ZC3H7B: variants seen among roughly 807,000 people sequenced by gnomAD.
The protein encoded by ZC3H7B is zinc finger CCCH domain-containing protein 7B.
ZC3H7B carries 35 observed loss-of-function variants against 116.0 expected under a neutral mutation model. The ratio of observed to expected loss-of-function variants is 0.30; its 90% confidence interval spans 0.23 to 0.40. ZC3H7B has a LOEUF of 0.40. Among genes scored for constraint, ZC3H7B ranks in the 10% least tolerant of loss-of-function variants. ZC3H7B has a pLI of 1.00. For missense variants in ZC3H7B, 1,011 were observed against 1,321.5 expected (o/e 0.77, Z 3.64); for synonymous variants, 502 against 545.6 (o/e 0.92, Z 1.11).
At chr22:41,343,693 G>C in intron 13 of ZC3H7B, 117 bp downstream of exon 13, 1 of 1,367,634 alleles carries the variant, frequency 7.3e-7, no homozygotes, top group East Asian at 2.7e-5. Flanking sequence ...ACAGCTGCAC[G>C]GGAGGAGAAA....
At chr22:41,319,477 C>T (rs1284202493) in intron 1 of ZC3H7B, among the ~76,000 whole-genome samples, 1 of 142,164 alleles carries the variant, frequency 7.0e-6, no homozygotes, top group Non-Finnish European at 1.5e-5. Flanking sequence ...GGCTGAAGCA[C>T]AAGAATCACT....
chr22:41,350,288 G>C (rs543162231), intron 16 of ZC3H7B, among the ~76,000 whole-genome samples: 1 of 152,326 alleles, frequency 6.6e-6, no homozygotes, highest in East Asian at 1.9e-4. Context: ...GGAGGGGACT[G>C]AGCATGTAAG....
chr22:41,355,567 G>A lies in ZC3H7B; in HGVS notation c.2133G>A (p.Lys711=), dbSNP rs553900237. The A allele has an allele frequency of 5.6e-6, 9 of 1,614,178 alleles. No homozygotes were observed. The African/African-American group carries it at 1.1e-4, about 19-fold the overall frequency. Residue 711 remains lysine (K), a synonymous_variant, in exon 18 of 23, where the codon AAG becomes AAA. Coordinates refer to ENST00000352645, the MANE Select transcript of ZC3H7B (RefSeq NM_017590.6). Reference sequence around the variant, plus strand: ...ACGGGCAGGTGGTGGAGCCTGACAAGGACCTCAAGTACTGTAGTGCCAAGG... The same window carrying A: ...ACGGGCAGGTGGTGGAGCCTGACAAAGACCTCAAGTACTGTAGTGCCAAGG... ...WRNGQVVEPD[K]DLKYCSAKAR... is the part of the protein sequence containing the mutation.
chr22:41,309,692 C>T (rs916755079), intron 1 of ZC3H7B, among the ~76,000 whole-genome samples: 1 of 152,118 alleles, frequency 6.6e-6, no homozygotes, highest in Non-Finnish European at 1.5e-5. Context: ...TTTTACTTGT[C>T]GTGTGCATTT....
chr22:41,305,360 A>G (rs957473785), intron 1 of ZC3H7B, among the ~76,000 whole-genome samples: 1 of 147,770 alleles, frequency 6.8e-6, no homozygotes, highest in African/African-American at 2.6e-5. Context: ...AAAAAAAAAA[A>G]TTAGCTGGGC....
In ZC3H7B at chr22:41,330,049, G is replaced by A. The variant is rs4822021; in HGVS notation, c.471G>A (p.Gln157=). Residue 157 remains glutamine, a synonymous_variant, in exon 6 of 23, where the codon CAG becomes CAA. Coordinates refer to ENST00000352645, the MANE Select transcript of ZC3H7B (RefSeq NM_017590.6). ...ATGAAAGCGTGACTCAGCTTGGTCAGGAGCTGGCCCAGAAACTGGGGCTGC... is the reference window on the plus strand; with the variant it reads ...ATGAAAGCGTGACTCAGCTTGGTCAAGAGCTGGCCCAGAAACTGGGGCTGC... ...PHDESVTQLG[Q]ELAQKLGLRV... The A allele has an allele frequency of 0.26, 422,287 of 1,613,570 alleles. 61,269 individuals are homozygous for A. The highest frequency in any genetic ancestry group is 0.59 in the Admixed American group (35,158 of 59,996).
chr22:41,349,074 G>C lies in ZC3H7B; in HGVS notation c.1767-46G>C. On this transcript the variant is annotated intron_variant, in intron 15 of 22. Coordinates refer to ENST00000352645, the MANE Select transcript of ZC3H7B (RefSeq NM_017590.6). The surrounding 1 kb of genome is among the most constrained non-coding windows in gnomAD (Gnocchi z 4.9). Reference sequence around the variant, plus strand: ...GGCCCTACCAGGAGAGAAGGTCAGAGGGGCTGCGGACTGCATCGTGCCCCT... The same window carrying C: ...GGCCCTACCAGGAGAGAAGGTCAGACGGGCTGCGGACTGCATCGTGCCCCT... 1 of 1,598,328 alleles carries C rather than the reference G, an allele frequency of 6.3e-7. No individual in the cohort carries two copies. The highest frequency in any genetic ancestry group is 8.5e-7 in the Non-Finnish European group (1 of 1,171,414).
In ZC3H7B at chr22:41,343,445, A is replaced by T; in HGVS notation, c.1328A>T (p.Glu443Val). ...CGGGCTGGCGACTACACCTACCGTG[A>T]GGGCCTTGAGCACAAGTGCAAGCGG... ...GPRAGDYTYR[E>V]GLEHKCKRDI... Residue 443 changes from glutamate (E) to valine (V), a missense_variant, in exon 13 of 23, where the codon GAG (glutamate) becomes GTG (valine). By Grantham distance (121) the Glu-to-Val change is moderately radical. Transcript: ENST00000352645. 1.2e-6 allele frequency: 2 copies of T among 1,613,502 alleles called. No homozygotes were observed. Among genetic ancestry groups the T allele is most frequent in the Non-Finnish European group, 1.7e-6 (2 of 1,179,614 alleles).
In ZC3H7B at chr22:41,339,102, A is replaced by G. The variant is rs200162226; in HGVS notation, c.727A>G (p.Ser243Gly). The G allele has an allele frequency of 2.7e-5, 43 of 1,612,248 alleles. No individual in the cohort carries two copies. Among genetic ancestry groups the G allele is most frequent in the African/African-American group, 4.0e-5 (3 of 74,824 alleles). The change falls in exon 9 of 23, where the codon AGC becomes GGC. Residue 243 changes from serine to glycine, a missense_variant. By Grantham distance (56) the Ser-to-Gly change is moderately conservative. This residue lies in a region of ZC3H7B where 322 missense variants were observed against 443.9 expected (regional missense o/e 0.73). Transcript: ENST00000352645. ...GGACCTGCTGGCCCCCCTGGACAGCAGCAGGACCCTCCCCAGCACCGACAG... is the reference window on the plus strand; with the variant it reads ...GGACCTGCTGGCCCCCCTGGACAGCGGCAGGACCCTCCCCAGCACCGACAG... ...VLDLLAPLDS[S>G]RTLPSTDSLD... is the part of the protein sequence containing the mutation.
chr22:41,342,557 T>C lies in ZC3H7B; in HGVS notation c.1226T>C (p.Leu409Ser). The C allele has an allele frequency of 6.2e-7, 1 of 1,613,416 alleles. No individual in the cohort carries two copies. The highest frequency in any genetic ancestry group is 8.5e-7 in the Non-Finnish European group (1 of 1,179,926). ...GAGCCCTGCATGCCCAACACTGCCT[T>C]GCTCATCAAGAACCCCTTGGCTGCC... ...SPEPCMPNTA[L>S]LIKNPLAATH... The change falls in exon 12 of 23, where the codon TTG becomes TCG. Residue 409 changes from leucine (L) to serine (S), a missense_variant. Coordinates refer to ENST00000352645, the MANE Select transcript of ZC3H7B (RefSeq NM_017590.6).
intron 5 of ZC3H7B, among the ~76,000 whole-genome samples, chr22:41,329,798 TC>T (rs1161499385): frequency 6.6e-6 from 1 of 152,182 alleles, no homozygotes; most frequent in Non-Finnish European, 1.5e-5. Context: ...TCATTTTCCA[TC>T]CCCAAATAAA....
intron 2 of ZC3H7B, 99 bp from the exon 3 acceptor site, chr22:41,325,465 A>G: frequency 1.3e-6 from 2 of 1,491,468 alleles, no homozygotes; most frequent in African/African-American, 1.4e-5. Context: ...CTAGTCCACA[A>G]GGTGATGGCT....
intron 10 of ZC3H7B, among the ~76,000 whole-genome samples, chr22:41,340,853 G>T (rs912381901): frequency 6.6e-6 from 1 of 152,176 alleles, no homozygotes; most frequent in Non-Finnish European, 1.5e-5. Flanking sequence ...TTTCTCCTAC[G>T]GGCAGCGGGA....
At chr22:41,312,579 G>C (rs926986383) in intron 1 of ZC3H7B, among the ~76,000 whole-genome samples, 1 of 151,886 alleles carries the variant, frequency 6.6e-6, no homozygotes, top group African/African-American at 2.4e-5. Context: ...GATACAGTGA[G>C]ACCCTGCCTC....
chr22:41,320,616 T>C, intron 1 of ZC3H7B, 39 bp from the exon 2 acceptor site: 1 of 1,612,864 alleles, frequency 6.2e-7, no homozygotes, highest in Non-Finnish European at 8.5e-7. Flanking sequence ...GCAGCCTGGC[T>C]CTTGCTGACT....
chr22:41,332,208 C>A lies in ZC3H7B; in HGVS notation c.563C>A (p.Ala188Glu). The change falls in exon 7 of 23, where the codon GCG becomes GAG. Residue 188 changes from alanine (A) to glutamate (E), a missense_variant. Coordinates refer to ENST00000352645, the MANE Select transcript of ZC3H7B (RefSeq NM_017590.6). ...TTTTCTCTGCTCAGTAACGGCACTG[C>A]GGCTGGCGTGGCAGATCAGGTAGGA... is the stretch of plus-strand genomic sequence containing the variant. ...ETFSLLSNGT[A>E]AGVADQGTSN... The A allele has an allele frequency of 1.9e-6, 3 of 1,614,162 alleles. No homozygotes were observed. Among genetic ancestry groups the A allele is most frequent in the East Asian group, 2.2e-5 (1 of 44,882 alleles).
chr22:41,351,541 T>C lies in ZC3H7B; in HGVS notation c.1949-20T>C. Reference sequence around the variant, plus strand: ...CTGAGCACCTTGAAAGATGCCTGTGTCTGCCCCCACCCTCCCCAGGCATGA... The same window carrying C: ...CTGAGCACCTTGAAAGATGCCTGTGCCTGCCCCCACCCTCCCCAGGCATGA... On this transcript the variant is annotated intron_variant, in intron 16 of 22. Transcript: ENST00000352645. The surrounding 1 kb of genome is among the most constrained non-coding windows in gnomAD (Gnocchi z 5.1). 6.2e-7 allele frequency: 1 copy of C among 1,607,966 alleles called. No homozygotes were observed. The highest frequency in any genetic ancestry group is 8.5e-7 in the Non-Finnish European group (1 of 1,177,140).
intron 1 of ZC3H7B, among the ~76,000 whole-genome samples, chr22:41,311,688 G>A (rs1378184890): frequency 6.6e-6 from 1 of 152,068 alleles, no homozygotes; most frequent in African/African-American, 2.4e-5. Context: ...AGAGATAGGC[G>A]AGTCGTTAAC....
chr22:41,327,603 G>A lies in ZC3H7B; in HGVS notation c.444+239G>A, dbSNP rs2036334589. ...CCTAATACTGGCAATAACCCTAAGAGGCAGATACTGTGATTATTCTCATTT... is the reference window on the plus strand; with the variant it reads ...CCTAATACTGGCAATAACCCTAAGAAGCAGATACTGTGATTATTCTCATTT... On this transcript the variant is annotated intron_variant, in intron 5 of 22. Transcript: ENST00000352645. This position sits in a 1 kb window ranked among gnomAD's most constrained non-coding sequence, Gnocchi z 4.5. Among the ~76,000 whole-genome samples the A allele has an allele frequency of 6.6e-6, 1 of 152,194 alleles. No homozygotes were observed. Among genetic ancestry groups the A allele is most frequent in the African/African-American group, 2.4e-5 (1 of 41,442 alleles).
Sources: gnomAD v4.1 joint callset for allele counts (sites outside exome capture counted in the v4.1 genomes callset) on GRCh38, gnomAD v4.1.1 for gene constraint, gnomAD v4.1.1 regional missense constraint, Gnocchi (gnomAD v3.1) non-coding constraint, MANE v1.5 for transcripts, NCBI Gene and HGNC (gene_info 2026-07-23, HGNC 2026-07-21) for gene names.